The following SYNPO2 variants were observed in gnomAD, a reference collection of about 807,000 sequenced individuals.
SYNPO2 encodes the protein synaptopodin 2, also known as synaptopodin-2.
A neutral mutation model predicts 85.0 loss-of-function variants in SYNPO2; 56 were observed. That is an observed-to-expected ratio of 0.66 (90% CI 0.53 to 0.82). The LOEUF (loss-of-function observed/expected upper bound fraction) is 0.82, where lower values mean the gene tolerates loss of function less well. Among genes scored for constraint, SYNPO2 ranks in the 40% least tolerant of loss-of-function variants. The probability of loss-of-function intolerance (pLI) is 0.00; values close to 1 mark genes in which losing one functional copy is unlikely to be tolerated. For synonymous variants in SYNPO2, 602 were observed against 591.1 expected (o/e 1.02, Z -0.27); for missense variants, 1,575 against 1,534.2 (o/e 1.03, Z -0.44).
chr4:119,022,109 C>G (rs571446504), intron 1 of SYNPO2, among the ~76,000 whole-genome samples: 1 of 152,080 alleles, frequency 6.6e-6, no homozygotes, highest in Non-Finnish European at 1.5e-5. Flanking sequence ...TTGACATATT[C>G]CCTAATATCC....
chr4:119,056,997 G>A (rs1739227979), intron 4 of SYNPO2, among the ~76,000 whole-genome samples: 1 of 152,206 alleles, frequency 6.6e-6, no homozygotes, highest in Admixed American at 6.5e-5. Context: ...AAGCAGGATA[G>A]GAATAAGGTT....
chr4:119,025,773 C>T (rs1282518846), intron 2 of SYNPO2, among the ~76,000 whole-genome samples: 6 of 152,124 alleles, frequency 3.9e-5, no homozygotes, highest in Non-Finnish European at 8.8e-5. Context: ...CCTCTAAAAA[C>T]ATTTACAGTT....
intron 1 of SYNPO2, among the ~76,000 whole-genome samples, chr4:118,996,522 G>GA (rs1736599874): frequency 6.6e-6 from 1 of 152,146 alleles, no homozygotes; most frequent in Non-Finnish European, 1.5e-5. Flanking sequence ...CTCTCAAGGA[G>GA]AGAGATACAC....
chr4:118,945,865 C>T (rs1734481848), intron 1 of SYNPO2, among the ~76,000 whole-genome samples: 1 of 152,096 alleles, frequency 6.6e-6, no homozygotes, highest in African/African-American at 2.4e-5. Context: ...CCTGCCTCAG[C>T]CTCCCGAGTA....
rs1553934690 is a variant in SYNPO2 at position 118,876,724 on chromosome 4, T to TCTTTCTGC, written c.12+25790_12+25791insGCCTTTCT. Among the ~76,000 whole-genome samples the TCTTTCTGC allele has an allele frequency of 3.7e-4, 46 of 124,102 alleles. 1 individual carries two copies. The highest frequency in any genetic ancestry group is 1.3e-3 in the African/African-American group (42 of 32,882). The allele number at this position is 124,102 out of a possible 152,430, so 81.4% of individuals were successfully genotyped here. A position where few individuals can be genotyped will look rare whatever the true frequency, so the allele number is the denominator to read the frequency against. Reference sequence around the variant, plus strand: ...TTCTTTCTTTCTTTCTTTCTTTCTTTCTTTCTTTCTTTCTGCCTTTCTCTG... The same window carrying TCTTTCTGC: ...TTCTTTCTTTCTTTCTTTCTTTCTTTCTTTCTGCCTTTCTTTCTTTCTGCCTTTCTCTG... On this transcript the variant is annotated intron_variant, in intron 1 of 4. Transcript: ENST00000610556.
At chr4:118,934,667 A>T (rs2149134738) in intron 1 of SYNPO2, among the ~76,000 whole-genome samples, 1 of 152,328 alleles carries the variant, frequency 6.6e-6, no homozygotes, top group African/African-American at 2.4e-5. Flanking sequence ...TGGAGACATA[A>T]TCAACTCTAC....
At chr4:118,915,056 A>G (rs888341948) in intron 1 of SYNPO2, among the ~76,000 whole-genome samples, 6 of 151,654 alleles carry the variant, frequency 4.0e-5, no homozygotes, top group African/African-American at 1.2e-4. Flanking sequence ...ACTGTCTGAA[A>G]GCCTTCTAAA....
chr4:118,964,297 AACACACACACACACACACAC>A (rs10523074), intron 1 of SYNPO2, among the ~76,000 whole-genome samples: 9 of 140,616 alleles, frequency 6.4e-5, no homozygotes, highest in South Asian at 2.4e-4. Context: ...AAACACACAC[AACACACACACACACACACAC>A]ACACACACAC....
At chr4:118,879,702 C>T (rs1007643382) in intron 1 of SYNPO2, among the ~76,000 whole-genome samples, 1 of 152,148 alleles carries the variant, frequency 6.6e-6, no homozygotes, top group Non-Finnish European at 1.5e-5. Flanking sequence ...CTGCAAAGGT[C>T]TTGGGGTTCA....
At position 119,030,518 on chromosome 4, in the gene SYNPO2, G is replaced by A. The variant is rs1738183817; in HGVS notation, c.1743G>A (p.Arg581=). Residue 581 remains arginine, a synonymous_variant, in exon 4 of 5, where the codon AGG becomes AGA. Transcript: ENST00000307142. ...SGTSETANIQ[R]MVPMNRTAKP... ...CATCTGAGACAGCAAACATCCAGAG[G>A]ATGGTCCCCATGAATAGAACGGCCA... 1.2e-6 allele frequency: 2 copies of A among 1,613,970 alleles called. No individual in the cohort carries two copies. The highest frequency in any genetic ancestry group is 2.2e-5 in the South Asian group (2 of 91,072).
At chr4:118,933,665 A>C (rs996854275) in intron 1 of SYNPO2, among the ~76,000 whole-genome samples, 1 of 152,190 alleles carries the variant, frequency 6.6e-6, no homozygotes, top group African/African-American at 2.4e-5. Flanking sequence ...ATTGAAAAAC[A>C]ACATACAGAA....
chr4:119,060,104 CTTTTA>C lies in SYNPO2; in HGVS notation c.*2172_*2176del, dbSNP rs1206904281. 3.3e-5 allele frequency: 5 copies of C among 152,204 alleles called. No homozygotes were observed. Among genetic ancestry groups the C allele is most frequent in the Admixed American group, 3.3e-4 (5 of 15,284 alleles). The allele number at this position is 152,204 out of a possible 1,614,324, so 9.4% of individuals were successfully genotyped here. On this transcript the variant is annotated 3_prime_UTR_variant, in exon 5 of 5. Coordinates refer to ENST00000307142, the MANE Select transcript of SYNPO2 (RefSeq NM_133477.3). ...GGGCCACGTTCTACTTCATTGCTTT[CTTTTA>C]TAAGTGCAAGGAGTTATTTCCATCA...
chr4:118,887,685 C>T (rs1399256496), upstream of SYNPO2, among the ~76,000 whole-genome samples: 2 of 152,132 alleles, frequency 1.3e-5, no homozygotes, highest in Non-Finnish European at 2.9e-5. Flanking sequence ...GTCTTTGTGA[C>T]CAGAAATAGA....
At position 119,032,439 on chromosome 4, in the gene SYNPO2, T is replaced by A. The variant is rs12499648; in HGVS notation, c.3252+412T>A. On this transcript the variant is annotated intron_variant, in intron 4 of 4. Coordinates refer to ENST00000307142, the MANE Select transcript of SYNPO2 (RefSeq NM_133477.3). ...CCTATGGTGAAAGGTTCAAATGTAG[T>A]GAAGGTATAACCTATATTGACTGAG... 1.9e-3 allele frequency: 2,148 copies of A among 1,103,380 alleles called. 79 individuals carry two copies. The Admixed American group carries it at 0.08, about 41-fold the overall frequency. The allele number at this position is 1,103,380 out of a possible 1,614,324, so 68.3% of individuals were successfully genotyped here. A position where few individuals can be genotyped will look rare whatever the true frequency, so the allele number is the denominator to read the frequency against.
At chr4:118,941,893 G>C (rs1315955211) in intron 1 of SYNPO2, among the ~76,000 whole-genome samples, 3 of 152,220 alleles carry the variant, frequency 2.0e-5, no homozygotes, top group Non-Finnish European at 4.4e-5. Flanking sequence ...AAGGCAAGGC[G>C]AGTCAGGGGA....
intron 1 of SYNPO2, among the ~76,000 whole-genome samples, chr4:119,007,750 A>T (rs531873344): frequency 4.5e-4 from 69 of 152,208 alleles, no homozygotes; most frequent in African/African-American, 1.6e-3. Context: ...TTTAATATGG[A>T]TTTTAATGTT....
Position 118,881,181 on chromosome 4 carries a change from A to G in SYNPO2, c.12+30241A>G, listed in dbSNP as rs1009927805. On this transcript the variant is annotated intron_variant, in intron 1 of 4. Transcript: ENST00000610556. ...GCCGGGTGTAGTGGCGGGCGCCTGT[A>G]GTTCCAGCTACTCAGGAGGCTGAGG... Among the ~76,000 whole-genome samples the G allele has an allele frequency of 4.3e-3, 651 of 151,932 alleles. 1 individual carries two copies. The highest frequency in any genetic ancestry group is 0.015 in the African/African-American group (613 of 41,464).
At chr4:119,039,862 C>T (rs993590977) in intron 4 of SYNPO2, among the ~76,000 whole-genome samples, 2 of 152,054 alleles carry the variant, frequency 1.3e-5, no homozygotes, top group African/African-American at 4.8e-5. Context: ...AAATGAACTT[C>T]ACATACTATT....
At chr4:118,989,838 G>C (rs1736344140) in intron 1 of SYNPO2, among the ~76,000 whole-genome samples, 1 of 152,188 alleles carries the variant, frequency 6.6e-6, no homozygotes, top group African/African-American at 2.4e-5. Flanking sequence ...AGCTCTCCAA[G>C]GAGACAACAC....
Sources: gnomAD v4.1 joint callset for allele counts (sites outside exome capture counted in the v4.1 genomes callset) on GRCh38, gnomAD v4.1.1 for gene constraint, MANE v1.5 for transcripts, NCBI Gene and HGNC (gene_info 2026-07-23, HGNC 2026-07-21) for gene names.